The following CHN1 variants were observed in gnomAD, a reference collection of about 807,000 sequenced individuals.
CHN1 encodes chimerin 1.
Under a neutral mutation model 59.5 loss-of-function variants are expected in CHN1, and 37 were observed. The ratio of observed to expected loss-of-function variants is 0.62; its 90% CI spans 0.48 to 0.82. The LOEUF is 0.82. CHN1 is among the 40% of genes least tolerant of loss of function. The probability of loss-of-function intolerance (pLI) is 0.00; values close to 1 mark genes in which losing one functional copy is unlikely to be tolerated. For synonymous variants in CHN1, 206 were observed against 200.4 expected (o/e 1.03, Z -0.24); for missense variants, 469 against 571.0 (o/e 0.82, Z 1.82).
chr2:174,982,483 C>T (rs1023632189), intron 1 of CHN1, among the ~76,000 whole-genome samples: 17 of 152,102 alleles, frequency 1.1e-4, no homozygotes, highest in Middle Eastern at 3.2e-3. Flanking sequence ...TTTTAATGAT[C>T]GCCATTCTAA....
Position 175,005,254 on chromosome 2 carries a change from G to T in CHN1, c.-342C>A. 2 of 1,177,050 alleles carry T rather than the reference G, an allele frequency of 1.7e-6. No individual in the cohort carries two copies. Among genetic ancestry groups the T allele is most frequent in the Non-Finnish European group, 2.1e-6 (2 of 949,756 alleles). The allele number at this position is 1,177,050 out of a possible 1,614,324, so 72.9% of individuals were successfully genotyped here. A position where few individuals can be genotyped will look rare whatever the true frequency, so the allele number is the denominator to read the frequency against. On this transcript the variant is annotated 5_prime_UTR_variant, in exon 1 of 13. Coordinates refer to ENST00000409900, the MANE Select transcript of CHN1 (RefSeq NM_001822.7). ...CGGCGCAGTGGCTGGCGGAGAGGCG[G>T]CGCCGCACTGGCGGCGGCGGCGGCG... is the stretch of plus-strand genomic sequence containing the variant.
chr2:174,824,614 CTA>C (rs149952097), intron 7 of CHN1, 96 bp from the exon 8 acceptor site: 12,175 of 438,606 alleles, frequency 0.028, 98 homozygotes, highest in African/African-American at 0.069. Context: ...GCCACATATT[CTA>C]TATATATATA....
intron 1 of CHN1, among the ~76,000 whole-genome samples, chr2:174,965,892 A>T (rs1455985637): frequency 6.6e-6 from 1 of 152,238 alleles, no homozygotes; most frequent in Non-Finnish European, 1.5e-5. Flanking sequence ...TAAACACCAA[A>T]CAAACAACTA....
intron 6 of CHN1, among the ~76,000 whole-genome samples, chr2:174,865,490 C>G (rs1340663397): frequency 1.3e-5 from 2 of 152,112 alleles, no homozygotes; most frequent in Admixed American, 6.5e-5. Context: ...CCTATCACCC[C>G]CAAAGATCTC....
intron 11 of CHN1, among the ~76,000 whole-genome samples, chr2:174,806,005 G>A (rs1574035900): frequency 6.6e-6 from 1 of 152,240 alleles, no homozygotes; most frequent in East Asian, 1.9e-4. Flanking sequence ...ATTACCACAG[G>A]GAGCTCAACT....
intron 1 of CHN1, among the ~76,000 whole-genome samples, chr2:174,959,936 T>C (rs927632190): frequency 3.9e-5 from 6 of 152,186 alleles, no homozygotes; most frequent in African/African-American, 1.4e-4. Context: ...AAGCAACTAT[T>C]GCCAAACAGT....
chr2:174,962,121 C>T (rs978468210), intron 1 of CHN1, among the ~76,000 whole-genome samples: 1 of 152,062 alleles, frequency 6.6e-6, no homozygotes, highest in African/African-American at 2.4e-5. Flanking sequence ...CCCGTCTCTA[C>T]TAAAAATACG....
At chr2:174,859,892 C>G (rs913330448) in intron 6 of CHN1, among the ~76,000 whole-genome samples, 2 of 152,086 alleles carry the variant, frequency 1.3e-5, no homozygotes, top group African/African-American at 4.8e-5. Context: ...AGTTCTAAGC[C>G]TGACAATTGG....
At chr2:174,935,966 C>T (rs951404373) in intron 3 of CHN1, among the ~76,000 whole-genome samples, 1 of 152,094 alleles carries the variant, frequency 6.6e-6, no homozygotes, top group Non-Finnish European at 1.5e-5. Context: ...AAAAATAAAA[C>T]ATGTGCTACC....
intron 4 of CHN1, among the ~76,000 whole-genome samples, chr2:174,918,232 T>C (rs1225641983): frequency 2.0e-5 from 3 of 152,168 alleles, no homozygotes; most frequent in African/African-American, 7.2e-5. Flanking sequence ...ATATACCTAA[T>C]ATATATGTAC....
chr2:174,848,094 G>C (rs1686598629), intron 6 of CHN1, among the ~76,000 whole-genome samples: 1 of 152,148 alleles, frequency 6.6e-6, no homozygotes, highest in South Asian at 2.1e-4. Context: ...TGCAGAACAA[G>C]GAGCATGCAC....
chr2:174,930,469 C>T (rs1265132844), intron 3 of CHN1, among the ~76,000 whole-genome samples: 4 of 152,118 alleles, frequency 2.6e-5, no homozygotes, highest in African/African-American at 7.2e-5. Flanking sequence ...GGCATGAGCT[C>T]CGTGGAGTCA....
chr2:174,938,075 C>T lies in CHN1; in HGVS notation c.114+6813G>A, dbSNP rs958083037. 2.0e-5 allele frequency among the ~76,000 whole-genome samples: 3 copies of T among 152,046 alleles called. No individual in the cohort carries two copies. In the East Asian group the frequency reaches 5.8e-4, roughly 29 times the overall value. ...AGAGACAGGCTCAAGAACTCCTAGG[C>T]TCAAGTGATCCTCCCGCCTCAACCT... On this transcript the variant is annotated intron_variant, in intron 3 of 12. Transcript: ENST00000409900.
At chr2:174,985,316 A>C (rs1447251566) in intron 1 of CHN1, among the ~76,000 whole-genome samples, 2 of 152,210 alleles carry the variant, frequency 1.3e-5, no homozygotes, top group Non-Finnish European at 2.9e-5. Flanking sequence ...TAAACATCTA[A>C]AGCAGTATTA....
In CHN1 at chr2:174,811,539, A is replaced by T. The variant is rs950561503; in HGVS notation, c.936T>A (p.Ile312=). ...LYRVSGFSDL[I]EDVKMAFDRD... ...TGTCGAAAGCCATCTTGACATCTTC[A>T]ATTAGGTCACTAAATCCTGATACTC... The change falls in exon 10 of 13, where the codon ATT becomes ATA. Residue 312 remains isoleucine, a synonymous_variant. Transcript: ENST00000409900. 1 of 1,612,130 alleles carries T rather than the reference A, an allele frequency of 6.2e-7. No homozygotes were observed. Among genetic ancestry groups the T allele is most frequent in the Non-Finnish European group, 8.5e-7 (1 of 1,178,754 alleles).
At chr2:174,989,305 G>A (rs1308780558) in intron 1 of CHN1, among the ~76,000 whole-genome samples, 1 of 152,100 alleles carries the variant, frequency 6.6e-6, no homozygotes, top group African/African-American at 2.4e-5. Flanking sequence ...GAAACCAGAA[G>A]GCGGAGGTTG....
chr2:174,875,034 C>T (rs779052945), intron 6 of CHN1, among the ~76,000 whole-genome samples: 11 of 151,812 alleles, frequency 7.2e-5, no homozygotes, highest in Non-Finnish European at 1.2e-4. Context: ...CCACCACGCC[C>T]GGCTAATTTT....
intron 9 of CHN1, 60 bp downstream of exon 9, chr2:174,812,249 A>G: frequency 7.0e-7 from 1 of 1,437,756 alleles, no homozygotes. Context: ...CCCAAAAGGC[A>G]TCAGGATTGG....
chr2:174,937,686 C>T (rs1689538541), intron 3 of CHN1, among the ~76,000 whole-genome samples: 3 of 151,758 alleles, frequency 2.0e-5, no homozygotes, highest in Non-Finnish European at 2.9e-5. Flanking sequence ...AGGAGCGGAT[C>T]CTTCATGAAT....
Sources: gnomAD v4.1 joint callset for allele counts (sites outside exome capture counted in the v4.1 genomes callset) on GRCh38, gnomAD v4.1.1 for gene constraint, MANE v1.5 for transcripts, NCBI Gene and HGNC (gene_info 2026-07-23, HGNC 2026-07-21) for gene names.